The following SEMA3A variants were observed in gnomAD, a reference collection of about 807,000 sequenced individuals.
The protein encoded by SEMA3A is semaphorin 3A.
A neutral mutation model predicts 97.9 loss-of-function variants in SEMA3A; 29 were observed. That is an observed-to-expected ratio of 0.30 (90% confidence interval 0.22 to 0.40). The LOEUF is 0.40. Ranked by LOEUF, SEMA3A falls within the 10% of genes least tolerant of loss-of-function variation. SEMA3A has a pLI of 1.00. For missense variants in SEMA3A, 763 were observed against 951.3 expected, an observed-to-expected ratio of 0.80 and a Z score of 2.60; for synonymous variants, 321 against 323.7, an observed-to-expected ratio of 0.99 and a Z score of 0.09.
chr7:84,115,361 T>C (rs1250658443), intron 3 of SEMA3A, among the ~76,000 whole-genome samples: 10 of 152,126 alleles, frequency 6.6e-5, no homozygotes, highest in Non-Finnish European at 1.2e-4. Flanking sequence ...AGATTGACTA[T>C]TTGTTTTGAA....
chr7:84,318,547 C>T (rs576504482), intron 2 of SEMA3A, among the ~76,000 whole-genome samples: 1 of 151,948 alleles, frequency 6.6e-6, no homozygotes, highest in Non-Finnish European at 1.5e-5. Context: ...TGGTCTCGAT[C>T]TCCTGACCTC....
chr7:84,050,175 A>G (rs1210909682), intron 5 of SEMA3A, among the ~76,000 whole-genome samples: 1 of 152,006 alleles, frequency 6.6e-6, no homozygotes, highest in Admixed American at 6.6e-5. Flanking sequence ...CAATAAACAT[A>G]CGTGTGCATG....
intron 1 of SEMA3A, among the ~76,000 whole-genome samples, chr7:84,409,526 A>T (rs781119513): frequency 2.6e-5 from 4 of 152,106 alleles, no homozygotes; most frequent in Non-Finnish European, 5.9e-5. Flanking sequence ...TGAGGGGGAA[A>T]GAAATTTTAC....
chr7:84,126,783 T>A (rs1317599914), intron 3 of SEMA3A, among the ~76,000 whole-genome samples: 1 of 152,196 alleles, frequency 6.6e-6, no homozygotes, highest in Non-Finnish European at 1.5e-5. Context: ...ACAAAAACTA[T>A]TAGAGTTGTT....
chr7:84,469,919 G>T lies in SEMA3A; in HGVS notation c.-246+22541C>A, dbSNP rs1806104827. On this transcript the variant is annotated intron_variant, in intron 1 of 3. Transcript: ENST00000424555. ...CTATTCATGAAGAATATAAATGTTAGAAAAGTGTAAACACTTAATAAAATA... is the reference window on the plus strand; with the variant it reads ...CTATTCATGAAGAATATAAATGTTATAAAAGTGTAAACACTTAATAAAATA... Among the ~76,000 whole-genome samples the T allele has an allele frequency of 2.0e-5, 3 of 151,744 alleles. No individual in the cohort carries two copies. The South Asian group carries it at 6.2e-4, about 32-fold the overall frequency.
intron 9 of SEMA3A, among the ~76,000 whole-genome samples, chr7:84,007,995 TATTA>T (rs1790733706): frequency 6.6e-6 from 1 of 152,172 alleles, no homozygotes; most frequent in African/African-American, 2.4e-5. Flanking sequence ...TTCCCAAAAG[TATTA>T]GATCAAGTAG....
intron 1 of SEMA3A, among the ~76,000 whole-genome samples, chr7:84,477,037 G>A (rs1806303636): frequency 6.8e-6 from 1 of 146,692 alleles, no homozygotes; most frequent in Non-Finnish European, 1.5e-5. Flanking sequence ...AAAGCAGTAT[G>A]GTAGAGTATA....
intron 2 of SEMA3A, among the ~76,000 whole-genome samples, chr7:84,330,956 C>T (rs1222513586): frequency 6.6e-6 from 1 of 151,986 alleles, no homozygotes; most frequent in Admixed American, 6.6e-5. Context: ...ACCAATGATT[C>T]CATGCCATGG....
chr7:83,993,529 A>T (rs1344220263), intron 12 of SEMA3A, among the ~76,000 whole-genome samples: 1 of 150,794 alleles, frequency 6.6e-6, no homozygotes, highest in Non-Finnish European at 1.5e-5. Context: ...AAAATCTCTC[A>T]GCATTTGCTT....
intron 1 of SEMA3A, among the ~76,000 whole-genome samples, chr7:84,160,223 GTCTATCTATCTATCTA>G (rs61107978): frequency 0.13 from 19,409 of 149,396 alleles, 1,339 homozygotes; most frequent in Non-Finnish European, 0.16. Flanking sequence ...CTATCAATCT[GTCTATCTATCTATCTA>G]TCTATCTATC....
chr7:84,191,705 C>A (rs1187438187), intron 1 of SEMA3A, among the ~76,000 whole-genome samples: 2 of 151,748 alleles, frequency 1.3e-5, no homozygotes, highest in African/African-American at 4.8e-5. Context: ...AAAAGTATTT[C>A]TGAGTAAATG....
chr7:84,478,346 CT>C lies in SEMA3A; in HGVS notation c.-246+14113del, dbSNP rs1342309584. 1.1e-4 allele frequency among the ~76,000 whole-genome samples: 16 copies of C among 152,236 alleles called. No homozygotes were observed. In the East Asian group the frequency reaches 3.1e-3, roughly 29 times the overall value. On this transcript the variant is annotated intron_variant, in intron 1 of 3. Coordinates refer to the SEMA3A transcript ENST00000424555. ...TGTTCAGAATACAATGGGAACTTCCCTGACTTACTGTTTTCACCCCAAGGAT... is the reference window on the plus strand; with the variant it reads ...TGTTCAGAATACAATGGGAACTTCCCGACTTACTGTTTTCACCCCAAGGAT...
intron 3 of SEMA3A, among the ~76,000 whole-genome samples, chr7:84,279,120 G>A (rs1317949965): frequency 2.0e-5 from 3 of 152,096 alleles, no homozygotes; most frequent in Admixed American, 6.6e-5. Flanking sequence ...TGGATATAAT[G>A]TGATTAAGAA....
At chr7:84,067,313 A>G (rs968702465) in intron 4 of SEMA3A, among the ~76,000 whole-genome samples, 34 of 152,318 alleles carry the variant, frequency 2.2e-4, no homozygotes, top group African/African-American at 7.0e-4. Context: ...TAAAACCATA[A>G]AAACCCTAGA....
chr7:84,011,257 G>A lies in SEMA3A; in HGVS notation c.851C>T (p.Thr284Ile), dbSNP rs1365353922. The A allele has an allele frequency of 6.2e-7, 1 of 1,613,966 alleles. No individual in the cohort carries two copies. The highest frequency in any genetic ancestry group is 8.5e-7 in the Non-Finnish European group (1 of 1,179,858). ...AATCAGACGAGCTTTGAGGAATGTT[G>A]TCCATTTATTCACCAGACTTCTGTG... ...GGHRSLVNKW[T>I]TFLKARLICS... Residue 284 changes from threonine to isoleucine, a missense_variant, in exon 8 of 17, where the codon ACA (threonine) becomes ATA (isoleucine). Coordinates refer to ENST00000265362, the MANE Select transcript of SEMA3A (RefSeq NM_006080.3).
At chr7:84,007,157 G>A (rs1262976972) in intron 10 of SEMA3A, among the ~76,000 whole-genome samples, 196 bp downstream of exon 10, 4 of 152,082 alleles carry the variant, frequency 2.6e-5, no homozygotes, top group Admixed American at 2.0e-4. Context: ...TTTAAGAACT[G>A]ACATCTGTAA....
chr7:84,044,436 A>G (rs1792267921), intron 6 of SEMA3A, among the ~76,000 whole-genome samples: 1 of 152,066 alleles, frequency 6.6e-6, no homozygotes, highest in South Asian at 2.1e-4. Context: ...TTTGTATGCA[A>G]TCATCAATTA....
chr7:84,316,130 CAAAAAAA>C (rs202005657), intron 2 of SEMA3A, among the ~76,000 whole-genome samples: 24 of 30,224 alleles, frequency 7.9e-4, no homozygotes, highest in East Asian at 3.7e-3. Context: ...GACTCTATCT[CAAAAAAA>C]AAAAAAAAAA....
chr7:84,399,440 A>C, intron 1 of SEMA3A, among the ~76,000 whole-genome samples: 1 of 152,206 alleles, frequency 6.6e-6, no homozygotes, highest in Non-Finnish European at 1.5e-5. Context: ...CCAGCATGAC[A>C]CTAGCTGCAG....
Sources: allele counts gnomAD v4.1 joint callset (sites outside exome capture counted in the v4.1 genomes callset), GRCh38; gene constraint gnomAD v4.1.1; transcripts MANE v1.5; gene names NCBI Gene and HGNC (gene_info 2026-07-23, HGNC 2026-07-21).